Variants in PDE1A observed in about 807,000 individuals in gnomAD.
PDE1A encodes the protein dual specificity calcium/calmodulin-dependent 3',5'-cyclic nucleotide phosphodiesterase 1A.
Under a neutral mutation model 61.7 loss-of-function variants are expected in PDE1A, and 35 were observed. The observed-to-expected ratio is 0.57, with a 90% CI of 0.43 to 0.75. The LOEUF (loss-of-function observed/expected upper bound fraction) is 0.75. Ranked by LOEUF, PDE1A falls within the 30% of genes least tolerant of loss-of-function variation. PDE1A has a pLI of 0.00. For synonymous variants in PDE1A, 232 were observed against 213.2 expected, an observed-to-expected ratio of 1.09 and a Z score of -0.77; for missense variants, 597 against 630.6, an observed-to-expected ratio of 0.95 and a Z score of 0.57.
At chr2:182,311,855 T>G (rs1322530440) in intron 1 of PDE1A, among the ~76,000 whole-genome samples, 3 of 152,172 alleles carry the variant, frequency 2.0e-5, no homozygotes, top group South Asian at 2.1e-4. Flanking sequence ...CTTCCAAACT[T>G]TTTCCCAAAG....
At chr2:182,559,273 C>A in the PDE1A span, among the ~76,000 whole-genome samples, 1 of 152,096 alleles carries the variant, frequency 6.6e-6, no homozygotes, top group Non-Finnish European at 1.5e-5. Flanking sequence ...ACAAGGGAGA[C>A]TGATATAAAG....
At chr2:182,163,021 G>A (rs975435502), downstream of PDE1A, among the ~76,000 whole-genome samples, 8 of 152,274 alleles carry the variant, frequency 5.3e-5, no homozygotes, top group African/African-American at 1.4e-4. Context: ...TGAAGGGTTT[G>A]CAGAGACTAG....
At chr2:182,626,241 T>G in the PDE1A span, among the ~76,000 whole-genome samples, 1 of 152,158 alleles carries the variant, frequency 6.6e-6, no homozygotes, top group Non-Finnish European at 1.5e-5. Flanking sequence ...AAACAGCAAA[T>G]GTGAATAGAT....
At position 182,206,695 on chromosome 2, in the gene PDE1A, T is replaced by A. The variant is rs139723988; in HGVS notation, c.777-630A>T. On this transcript the variant is annotated intron_variant, in intron 7 of 13. Coordinates refer to ENST00000351439, the Ensembl canonical transcript of PDE1A. The stretch of plus-strand genomic sequence containing the variant: ...GTTTGGCTCTGTGTCCCTACCCAAA[T>A]CTTATGTTGAATTGTAATCTCCAGT... 3.7e-3 allele frequency among the ~76,000 whole-genome samples: 570 copies of A among 152,232 alleles called. 5 individuals are homozygous for A. Among genetic ancestry groups the A allele is most frequent in the Non-Finnish European group, 3.7e-3 (252 of 67,998 alleles).
Position 182,426,572 on chromosome 2 carries a change from A to G in PDE1A, c.53+6T>C. The G allele has an allele frequency of 6.3e-7, 1 of 1,589,364 alleles. No homozygotes were observed. The highest frequency in any genetic ancestry group is 8.6e-7 in the Non-Finnish European group (1 of 1,158,728). On this transcript the variant is annotated splice_donor_region_variant and intron_variant, in intron 1 of 13. Coordinates refer to ENST00000351439, the Ensembl canonical transcript of PDE1A. The stretch of plus-strand genomic sequence containing the variant: ...CTAGAGCCACCTGCGATGTAGCATT[A>G]CTTACCTAAAGATGGGTCTTTGGAG...
At chr2:182,599,828 T>C in the PDE1A span, among the ~76,000 whole-genome samples, 124 of 152,352 alleles carry the variant, frequency 8.1e-4, no homozygotes, top group Non-Finnish European at 1.3e-3. Context: ...GGTTTAATTA[T>C]GCCAGTTATT....
the PDE1A span, among the ~76,000 whole-genome samples, chr2:182,674,101 T>C: frequency 2.0e-5 from 3 of 151,108 alleles, no homozygotes; most frequent in Non-Finnish European, 2.9e-5. Context: ...AGCTAAGGAA[T>C]AGAAAATGTA....
At chr2:182,693,489 G>T in the PDE1A span, among the ~76,000 whole-genome samples, 4 of 151,870 alleles carry the variant, frequency 2.6e-5, no homozygotes, top group Non-Finnish European at 4.4e-5. Flanking sequence ...AAATGTCTTT[G>T]GCCATTTTTA....
chr2:182,679,991 T>C, the PDE1A span, among the ~76,000 whole-genome samples: 1 of 152,196 alleles, frequency 6.6e-6, no homozygotes, highest in Non-Finnish European at 1.5e-5. Flanking sequence ...CATTGGCATA[T>C]GAGTAGTCAG....
At chr2:182,626,792 CATATATATACAT>C in the PDE1A span, among the ~76,000 whole-genome samples, 19 of 8,972 alleles carry the variant, frequency 2.1e-3, 2 homozygotes, top group East Asian at 0.013. Flanking sequence ...CATATATATA[CATATATATACAT>C]ATATATATAC....
the PDE1A span, among the ~76,000 whole-genome samples, chr2:182,701,528 G>A: frequency 1.9e-3 from 286 of 151,654 alleles, 2 homozygotes; most frequent in African/African-American, 6.6e-3. Flanking sequence ...TTACAGACGC[G>A]CACCACCACA....
intron 13 of PDE1A, among the ~76,000 whole-genome samples, chr2:182,156,419 A>G (rs190166588): frequency 1.6e-4 from 25 of 152,040 alleles, no homozygotes; most frequent in African/African-American, 5.5e-4. Flanking sequence ...CCCCAGAGCC[A>G]TGAATTTTAT....
intron 1 of PDE1A, among the ~76,000 whole-genome samples, chr2:182,376,898 C>T (rs1700441055): frequency 6.6e-6 from 1 of 152,134 alleles, no homozygotes; most frequent in Non-Finnish European, 1.5e-5. Context: ...GTGGAAACAC[C>T]TGTTAAAACC....
the PDE1A span, among the ~76,000 whole-genome samples, chr2:182,709,628 T>C: frequency 6.6e-6 from 1 of 152,250 alleles, no homozygotes; most frequent in Non-Finnish European, 1.5e-5. Flanking sequence ...GAACTAGATC[T>C]TGAAAGATGA....
chr2:182,653,347 T>C, the PDE1A span, among the ~76,000 whole-genome samples: 1 of 152,224 alleles, frequency 6.6e-6, no homozygotes, highest in Admixed American at 6.5e-5. Context: ...GTATCGCTAA[T>C]GATTTAAGGC....
chr2:182,455,689 T>C (rs1384844436), intron 2 of PDE1A, among the ~76,000 whole-genome samples: 1 of 151,782 alleles, frequency 6.6e-6, no homozygotes, highest in Non-Finnish European at 1.5e-5. Context: ...TTCTCACTCA[T>C]AGGTGGGAAT....
the PDE1A span, among the ~76,000 whole-genome samples, chr2:182,531,027 C>T: frequency 5.7e-4 from 86 of 152,014 alleles, 1 homozygote; most frequent in South Asian, 0.012. Flanking sequence ...GAGTTCTATA[C>T]TTCTCTCAAA....
At chr2:182,289,460 G>C (rs1215218072) in intron 1 of PDE1A, among the ~76,000 whole-genome samples, 1 of 152,036 alleles carries the variant, frequency 6.6e-6, no homozygotes, top group African/African-American at 2.4e-5. Context: ...ATAGCAGCCA[G>C]AACAAGTTAA....
chr2:182,151,171 T>G (rs1690758442), intron 13 of PDE1A, among the ~76,000 whole-genome samples: 1 of 152,200 alleles, frequency 6.6e-6, no homozygotes, highest in South Asian at 2.1e-4. Flanking sequence ...CATTGCAACC[T>G]CCGCTTCCTG....
Sources: allele counts gnomAD v4.1 joint callset (sites outside exome capture counted in the v4.1 genomes callset), GRCh38; gene constraint gnomAD v4.1.1; transcripts MANE v1.5; gene names NCBI Gene and HGNC (gene_info 2026-07-23, HGNC 2026-07-21).